Variants in CDKL5 observed in about 807,000 individuals in gnomAD.
The protein encoded by CDKL5 is cyclin dependent kinase like 5, also known as cyclin-dependent kinase-like 5.
A neutral mutation model predicts 61.7 loss-of-function variants in CDKL5; 8 were observed. The ratio of observed to expected loss-of-function variants is 0.13; its 90% confidence interval spans 0.08 to 0.23. CDKL5 has a LOEUF of 0.23. CDKL5 is among the 10% of genes least tolerant of loss of function. CDKL5 has a pLI of 1.00. For synonymous variants in CDKL5, 275 were observed against 272.3 expected (o/e 1.01, Z -0.10); for missense variants, 440 against 734.5 (o/e 0.60, Z 4.63).
At chrX:18,573,042 C>A (rs1480581063) in intron 4 of CDKL5, among the ~76,000 whole-genome samples, 1 of 111,287 alleles carries the variant, frequency 9.0e-6, no homozygotes, top group East Asian at 2.8e-4. Context: ...CCTGAAGGAG[C>A]AAGCCCTGTC....
chrX:18,617,664 T>C (rs1926761634), intron 15 of CDKL5, among the ~76,000 whole-genome samples: 1 of 112,535 alleles, frequency 8.9e-6, no homozygotes, highest in African/African-American at 3.2e-5. Context: ...CTGCATAGCT[T>C]CTCGCTTGTT....
intron 19 of CDKL5, chrX:18,645,903 C>G (rs2147192472): frequency 8.5e-7 from 1 of 1,177,323 alleles, no homozygotes; most frequent in African/African-American, 1.8e-5. Context: ...TAACCAAACT[C>G]TGGTCAATGG....
chrX:18,628,911 G>C lies in CDKL5; in HGVS notation c.*154G>C. ...CAATATTGCATGTGTTGGGGCCGTT[G>C]AGCTCCTCGCGGCCACAAATGCTAG... is the stretch of plus-strand genomic sequence containing the variant. On this transcript the variant is annotated 3_prime_UTR_variant, in exon 18 of 18. Transcript: ENST00000623535. 9.4e-7 allele frequency: 1 copy of C among 1,061,213 alleles called. No individual in the cohort carries two copies. Among genetic ancestry groups the C allele is most frequent in the Admixed American group, 4.2e-5 (1 of 24,000 alleles). The allele number at this position is 1,061,213 out of a possible 1,213,427, so 87.5% of individuals were successfully genotyped here.
chrX:18,507,252 T>A, intron 2 of CDKL5, 92 bp downstream of exon 2: 1 of 603,475 alleles, frequency 1.7e-6, no homozygotes, highest in Non-Finnish European at 2.9e-6. Context: ...TCCTGTTAAT[T>A]TAACCTATAT....
At chrX:18,537,051 G>A (rs1467646301) in intron 3 of CDKL5, among the ~76,000 whole-genome samples, 1 of 107,149 alleles carries the variant, frequency 9.3e-6, no homozygotes, top group African/African-American at 3.4e-5. Context: ...ACCACAGGGC[G>A]CTGGAGGGAA....
chrX:18,638,107 C>G lies in CDKL5; in HGVS notation c.*9350C>G, dbSNP rs1486527356. On this transcript the variant is annotated 3_prime_UTR_variant, in exon 18 of 18. Transcript: ENST00000623535. Reference sequence around the variant, plus strand: ...GATGGGGTTCTGTGAGCATCCATTCCAAGGGTCACTTTAGGGGTGCAATCT... The same window carrying G: ...GATGGGGTTCTGTGAGCATCCATTCGAAGGGTCACTTTAGGGGTGCAATCT... The G allele has an allele frequency of 9.0e-6, 1 of 111,332 alleles. No homozygotes were observed. The highest frequency in any genetic ancestry group is 3.3e-5 in the African/African-American group (1 of 30,580). 9.2% of individuals were successfully genotyped at this position (111,332 alleles called of 1,213,427 possible). A position where few individuals can be genotyped will look rare whatever the true frequency, so the allele number is the denominator to read the frequency against.
chrX:18,645,892 C>T, intron 19 of CDKL5: 1 of 1,153,754 alleles, frequency 8.7e-7, no homozygotes, highest in East Asian at 3.1e-5. Context: ...ATGGGGCCCC[C>T]TAACCAAACT....
chrX:18,506,824 G>C (rs1280271221), intron 1 of CDKL5, 111 bp from the exon 2 acceptor site: 2 of 304,669 alleles, frequency 6.6e-6, no homozygotes, highest in African/African-American at 5.3e-5. Context: ...CATTTTAAGT[G>C]TATAAAACAT....
intron 4 of CDKL5, among the ~76,000 whole-genome samples, chrX:18,567,528 C>G (rs1319464358): frequency 9.0e-6 from 1 of 111,518 alleles, no homozygotes; most frequent in African/African-American, 3.3e-5. Flanking sequence ...GCAGATGCTC[C>G]TTGACTTGTG....
intron 15 of CDKL5, among the ~76,000 whole-genome samples, chrX:18,616,568 TGAGCCGACATTAC>T (rs1926720797): frequency 9.3e-6 from 1 of 107,256 alleles, no homozygotes; most frequent in Non-Finnish European, 1.9e-5. Context: ...GAGGTTGCGG[TGAGCCGACATTAC>T]GCCATTGCAC....
chrX:18,631,838 G>C lies in CDKL5; in HGVS notation c.*3081G>C. 1 of 754,344 alleles carries C rather than the reference G, an allele frequency of 1.3e-6. No individual in the cohort carries two copies. Among genetic ancestry groups the C allele is most frequent in the Non-Finnish European group, 1.6e-6 (1 of 639,335 alleles). The allele number at this position is 754,344 out of a possible 1,213,427, so 62.2% of individuals were successfully genotyped here. ...CTCTTTCTAGAGCCCAAGACCAAAA[G>C]GGAGTGCTTCATGCTGAGGGGCTCA... On this transcript the variant is annotated 3_prime_UTR_variant, in exon 18 of 18. Transcript: ENST00000623535.
rs1183703027 is a variant in CDKL5, at chrX:18,431,496, A to G, written c.-163+5801A>G. 3.7e-4 allele frequency among the ~76,000 whole-genome samples: 38 copies of G among 103,059 alleles called. 1 individual carries two copies. The highest frequency in any genetic ancestry group is 6.8e-4 in the Non-Finnish European group (35 of 51,097). 89.5% of individuals were successfully genotyped at this position (103,059 alleles called of 115,157 possible). ...GAGTGCAGTGGCGCGGTCTCGGCTC[A>G]CTGCAAGCTCTGCCTCCCGGGTTCA... On this transcript the variant is annotated intron_variant, in intron 1 of 17. Coordinates refer to ENST00000623535, the MANE Select transcript of CDKL5 (RefSeq NM_001323289.2).
intron 3 of CDKL5, among the ~76,000 whole-genome samples, chrX:18,533,124 G>A (rs143887943): frequency 4.5e-5 from 5 of 111,378 alleles, no homozygotes; most frequent in Non-Finnish European, 9.4e-5. Context: ...TAAATAAAAT[G>A]TGTTTTAAAA....
At chrX:18,622,816 G>A (rs1004172031) in intron 16 of CDKL5, among the ~76,000 whole-genome samples, 2 of 111,611 alleles carry the variant, frequency 1.8e-5, no homozygotes, top group Non-Finnish European at 3.8e-5. Context: ...CCATGGACCC[G>A]CCTCTGTGGG....
chrX:18,493,093 A>G (rs763910621), intron 1 of CDKL5, among the ~76,000 whole-genome samples: 117 of 111,189 alleles, frequency 1.1e-3, no homozygotes, highest in African/African-American at 3.7e-3. Context: ...TTTCTCCTGG[A>G]GCATCCCCCT....
intron 1 of CDKL5, among the ~76,000 whole-genome samples, chrX:18,430,717 T>A: frequency 9.0e-6 from 1 of 110,722 alleles, no homozygotes; most frequent in Admixed American, 9.6e-5. Context: ...AGTGCTAGGA[T>A]TACAGGCATG....
chrX:18,557,978 A>AT (rs935560720), intron 3 of CDKL5, among the ~76,000 whole-genome samples: 28 of 107,461 alleles, frequency 2.6e-4, no homozygotes, highest in African/African-American at 6.1e-4. Flanking sequence ...TCTCTTTCTG[A>AT]TTTTTTTTTT....
At chrX:18,532,651 A>G (rs1923689393) in intron 3 of CDKL5, among the ~76,000 whole-genome samples, 1 of 111,865 alleles carries the variant, frequency 8.9e-6, no homozygotes, top group Admixed American at 9.5e-5. Flanking sequence ...TAGTTTGAGA[A>G]TCTGTGTGAT....
At chrX:18,502,816 T>C (rs1193831701) in intron 1 of CDKL5, among the ~76,000 whole-genome samples, 1 of 112,159 alleles carries the variant, frequency 8.9e-6, no homozygotes, top group Non-Finnish European at 1.9e-5. Context: ...CCTCAAAGCC[T>C]AGTGCTCTTG....
Sources: allele counts gnomAD v4.1 joint callset (sites outside exome capture counted in the v4.1 genomes callset), GRCh38; gene constraint gnomAD v4.1.1; transcripts MANE v1.5; gene names NCBI Gene and HGNC (gene_info 2026-07-23, HGNC 2026-07-21).